Variants in ANKRD30BL observed in about 807,000 individuals in gnomAD.
The protein encoded by ANKRD30BL is putative ankyrin repeat domain-containing protein 30B-like.
Under a neutral mutation model 18.4 loss-of-function variants are expected in ANKRD30BL, and 20 were observed. The ratio of observed to expected loss-of-function variants is 1.09; its 90% CI spans 0.77 to 1.58. The LOEUF (loss-of-function observed/expected upper bound fraction) is 1.58. Ranked by LOEUF, ANKRD30BL falls within the 40% of genes most tolerant of loss-of-function variation. The probability of loss-of-function intolerance (pLI) is 0.00; values close to 1 mark genes in which losing one functional copy is unlikely to be tolerated. For synonymous variants in ANKRD30BL, 72 were observed against 100.9 expected (o/e 0.71, Z 1.72); for missense variants, 224 against 268.6 (o/e 0.83, Z 1.16).
chr2:132,234,080 A>G (rs1013133967), intron 1 of ANKRD30BL, among the ~76,000 whole-genome samples: 1 of 152,196 alleles, frequency 6.6e-6, no homozygotes, highest in African/African-American at 2.4e-5. Context: ...CTGCTCCTGA[A>G]TGACTACTGG....
chr2:132,198,838 G>A lies in ANKRD30BL; in HGVS notation n.442-41692C>T, dbSNP rs113251390. 2.7e-4 allele frequency among the ~76,000 whole-genome samples: 41 copies of A among 151,740 alleles called. 2 individuals are homozygous for A. Among genetic ancestry groups the A allele is most frequent in the African/African-American group, 9.4e-4 (39 of 41,392 alleles). On this transcript the variant is annotated intron_variant and non_coding_transcript_variant, in intron 1 of 4. Transcript: ENST00000470729. ...TCGCCATGTTGGCTAGGCTTGTTTC[G>A]AAATCCTGACCTCAGGTGATCCACC...
intron 1 of ANKRD30BL, among the ~76,000 whole-genome samples, chr2:132,250,349 G>C (rs1680618135): frequency 6.6e-6 from 1 of 152,100 alleles, no homozygotes; most frequent in African/African-American, 2.4e-5. Flanking sequence ...TTTCACCATG[G>C]CCTCAAAGCG....
chr2:132,244,710 A>C (rs1680443073), intron 1 of ANKRD30BL, among the ~76,000 whole-genome samples: 1 of 152,284 alleles, frequency 6.6e-6, no homozygotes. Flanking sequence ...TAGGATCCGC[A>C]AGTGGATATT....
At chr2:132,149,855 T>C (rs1687711499) in intron 5 of ANKRD30BL, among the ~76,000 whole-genome samples, 1 of 152,152 alleles carries the variant, frequency 6.6e-6, no homozygotes, top group Admixed American at 6.5e-5. Context: ...ATCTAATAAA[T>C]AGTGAATATA....
At chr2:132,190,719 C>T (rs1558925675) in intron 1 of ANKRD30BL, among the ~76,000 whole-genome samples, 2 of 152,128 alleles carry the variant, frequency 1.3e-5, no homozygotes, top group Non-Finnish European at 1.5e-5. Context: ...AAAAGATAAT[C>T]AAAGCTAAAG....
At chr2:132,245,662 T>C (rs1388090740) in intron 1 of ANKRD30BL, among the ~76,000 whole-genome samples, 7 of 152,286 alleles carry the variant, frequency 4.6e-5, no homozygotes, top group African/African-American at 1.4e-4. Flanking sequence ...ATTTCTGATG[T>C]GTGTACTCAA....
intron 1 of ANKRD30BL, among the ~76,000 whole-genome samples, chr2:132,212,021 A>G (rs1395276220): frequency 6.6e-6 from 1 of 152,018 alleles, no homozygotes; most frequent in African/African-American, 2.4e-5. Context: ...CTCTTTTTGT[A>G]GAATCTGCAA....
At chr2:132,231,784 G>C (rs1017666312) in intron 1 of ANKRD30BL, among the ~76,000 whole-genome samples, 2 of 152,226 alleles carry the variant, frequency 1.3e-5, no homozygotes, top group African/African-American at 2.4e-5. Context: ...CATTACCCAG[G>C]CTTGCTTAGG....
At chr2:132,201,578 A>G (rs1679099053) in intron 1 of ANKRD30BL, among the ~76,000 whole-genome samples, 4 of 152,216 alleles carry the variant, frequency 2.6e-5, no homozygotes, top group Admixed American at 2.0e-4. Flanking sequence ...AATGCAAATC[A>G]AAACCACAAT....
rs1264629571 is a variant in ANKRD30BL at position 132,246,436 on chromosome 2, C to T, written n.441+11093G>A. ...GAATTTACAAGTGGATATTGGACAC[C>T]ATTGAGTATTTCGTTGGAAATGGGA... is the stretch of plus-strand genomic sequence containing the variant. On this transcript the variant is annotated intron_variant and non_coding_transcript_variant, in intron 1 of 4. Transcript: ENST00000470729. Among the ~76,000 whole-genome samples, 4 of 151,132 alleles carry T rather than the reference C, an allele frequency of 2.6e-5. No homozygotes were observed. The Admixed American group carries it at 2.6e-4, about 10-fold the overall frequency.
chr2:132,243,640 T>A (rs1680397073), intron 1 of ANKRD30BL, among the ~76,000 whole-genome samples: 2 of 151,580 alleles, frequency 1.3e-5, no homozygotes. Flanking sequence ...GCTGAAACAT[T>A]CTTTTGATGA....
intron 1 of ANKRD30BL, among the ~76,000 whole-genome samples, chr2:132,224,790 C>CA (rs1166048580): frequency 1.3e-5 from 2 of 152,064 alleles, no homozygotes; most frequent in Non-Finnish European, 2.9e-5. Flanking sequence ...CGCTTTGAGG[C>CA]ATTCGATGGA....
intron 5 of ANKRD30BL, among the ~76,000 whole-genome samples, 170 bp from the exon 6 acceptor site, chr2:132,148,398 G>T (rs1295370362): frequency 9.5e-6 from 1 of 105,198 alleles, no homozygotes; most frequent in Admixed American, 1.6e-4. Context: ...CAAGAGCCTC[G>T]CTCTGTTGCC....
Position 132,237,633 on chromosome 2 carries a change from A to G in ANKRD30BL, n.441+19896T>C, listed in dbSNP as rs200017221. 3.5e-4 allele frequency among the ~76,000 whole-genome samples: 53 copies of G among 152,190 alleles called. 1 individual carries two copies. In the East Asian group the frequency reaches 0.01, roughly 29 times the overall value. ...GGGTATGTCTTCACATAAAAACTAG[A>G]CAGGAGCATTCTCAGAAACTGCTTT... is the stretch of plus-strand genomic sequence containing the variant. On this transcript the variant is annotated intron_variant and non_coding_transcript_variant, in intron 1 of 4. Coordinates refer to the ANKRD30BL transcript ENST00000470729.
chr2:132,229,267 C>T (rs1463122666), intron 1 of ANKRD30BL, among the ~76,000 whole-genome samples: 1 of 151,678 alleles, frequency 6.6e-6, no homozygotes, highest in Middle Eastern at 3.4e-3. Context: ...GTCTACCGTA[C>T]AAAAGGAAAT....
rs1308833128 is a variant in ANKRD30BL, at chr2:132,221,136, G to A, written n.441+36393C>T. Among the ~76,000 whole-genome samples the A allele has an allele frequency of 6.3e-4, 92 of 146,556 alleles. 3 individuals are homozygous for A. Among genetic ancestry groups the A allele is most frequent in the East Asian group, 1.6e-3 (8 of 5,020 alleles). On this transcript the variant is annotated intron_variant and non_coding_transcript_variant, in intron 1 of 4. Transcript: ENST00000470729. The stretch of plus-strand genomic sequence containing the variant: ...AGCCCCTCCGTCCAGCAGCCACCCC[G>A]TCTGGGAAGTGAGGAGCATCTCCGC...
intron 1 of ANKRD30BL, among the ~76,000 whole-genome samples, chr2:132,232,071 G>A (rs890738198): frequency 6.6e-6 from 1 of 152,162 alleles, no homozygotes; most frequent in African/African-American, 2.4e-5. Flanking sequence ...CCCAGCAGGG[G>A]CACACTGACA....
chr2:132,258,032 C>T (rs796282813), upstream of ANKRD30BL: 6 of 146,722 alleles, frequency 4.1e-5, no homozygotes, highest in Admixed American at 2.0e-4. Flanking sequence ...AGCACGGGAC[C>T]TGCGCTCGCC....
chr2:132,212,451 T>C (rs562809199), intron 1 of ANKRD30BL, among the ~76,000 whole-genome samples: 18 of 151,992 alleles, frequency 1.2e-4, no homozygotes, highest in African/African-American at 3.9e-4. Flanking sequence ...TTGTGGACTA[T>C]GGTGGAAATG....
Sources: allele counts gnomAD v4.1 joint callset (sites outside exome capture counted in the v4.1 genomes callset), GRCh38; gene constraint gnomAD v4.1.1; transcripts MANE v1.5; gene names NCBI Gene and HGNC (gene_info 2026-07-23, HGNC 2026-07-21).